CCDC91: variants seen among roughly 807,000 people sequenced by gnomAD.
CCDC91 encodes the protein coiled-coil domain containing 91.
Under a neutral mutation model 63.2 loss-of-function variants are expected in CCDC91, and 48 were observed. The observed-to-expected ratio is 0.76, with a 90% CI of 0.60 to 0.97. The LOEUF (loss-of-function observed/expected upper bound fraction) is 0.97. Ranked by LOEUF, CCDC91 falls within the 50% of genes least tolerant of loss-of-function variation. The pLI is 0.00. For missense variants in CCDC91, 500 were observed against 494.6 expected (o/e 1.01, Z -0.10); for synonymous variants, 167 against 165.8 (o/e 1.01, Z -0.06).
intron 3 of CCDC91, among the ~76,000 whole-genome samples, chr12:28,275,524 C>G (rs1203925366): frequency 6.6e-6 from 1 of 152,092 alleles, no homozygotes; most frequent in East Asian, 1.9e-4. Context: ...GGATTCATAG[C>G]CGAATTCTAC....
chr12:28,544,266 A>AC (rs972529178), intron 12 of CCDC91, among the ~76,000 whole-genome samples: 1 of 151,156 alleles, frequency 6.6e-6, no homozygotes, highest in Non-Finnish European at 1.5e-5. Flanking sequence ...CCAAGTCTGC[A>AC]CCCCCCTTTT....
At chr12:28,486,808 G>A (rs1347506759) in intron 12 of CCDC91, among the ~76,000 whole-genome samples, 1 of 151,938 alleles carries the variant, frequency 6.6e-6, no homozygotes, top group East Asian at 1.9e-4. Context: ...TAAAATAACA[G>A]CCAAGAAACC....
chr12:28,206,872 G>A (rs1591984117), intron 1 of CCDC91, among the ~76,000 whole-genome samples: 2 of 152,312 alleles, frequency 1.3e-5, no homozygotes, highest in African/African-American at 2.4e-5. Flanking sequence ...CGTGGAAAAA[G>A]GACCTAACAA....
At chr12:28,247,253 G>A (rs1339713564) in intron 1 of CCDC91, among the ~76,000 whole-genome samples, 3 of 152,258 alleles carry the variant, frequency 2.0e-5, no homozygotes, top group South Asian at 2.1e-4. Context: ...GGCCGAGGCC[G>A]GTGGATCATG....
intron 6 of CCDC91, among the ~76,000 whole-genome samples, chr12:28,347,551 C>G (rs973091164): frequency 6.6e-5 from 10 of 152,130 alleles, no homozygotes; most frequent in African/African-American, 2.4e-4. Flanking sequence ...TACTAGTGAG[C>G]TATTTTTACC....
chr12:28,362,407 A>G, intron 6 of CCDC91, 31 bp from the exon 7 acceptor site: 1 of 1,461,436 alleles, frequency 6.8e-7, no homozygotes, highest in Non-Finnish European at 9.3e-7. Context: ...CAGAAGAAAA[A>G]CTCATGGTTT....
At chr12:28,418,787 T>C (rs1947832485) in intron 8 of CCDC91, among the ~76,000 whole-genome samples, 1 of 152,174 alleles carries the variant, frequency 6.6e-6, no homozygotes, top group African/African-American at 2.4e-5. Flanking sequence ...GTTGTTATTA[T>C]ATGCAGCCAC....
intron 8 of CCDC91, among the ~76,000 whole-genome samples, chr12:28,433,523 A>G (rs1176072735): frequency 6.6e-6 from 1 of 151,896 alleles, no homozygotes; most frequent in Admixed American, 6.6e-5. Flanking sequence ...TCAGTTGACT[A>G]TATGCAGTTC....
At chr12:28,214,248 CTGAT>C (rs1943418914) in intron 1 of CCDC91, among the ~76,000 whole-genome samples, 1 of 152,088 alleles carries the variant, frequency 6.6e-6, no homozygotes, top group African/African-American at 2.4e-5. Flanking sequence ...GCTGGCTTGA[CTGAT>C]TGATCTTAAC....
intron 12 of CCDC91, among the ~76,000 whole-genome samples, chr12:28,507,773 G>C (rs967545536): frequency 2.0e-5 from 3 of 151,906 alleles, no homozygotes; most frequent in Admixed American, 1.3e-4. Context: ...TTCAAAAAGG[G>C]CTCTGTGATA....
intron 11 of CCDC91, among the ~76,000 whole-genome samples, chr12:28,459,510 T>C (rs573131642): frequency 2.0e-5 from 3 of 152,264 alleles, no homozygotes; most frequent in African/African-American, 7.2e-5. Flanking sequence ...TTTACCAAGA[T>C]TAGAGTTATT....
At chr12:28,327,499 C>G (rs538757617) in intron 6 of CCDC91, among the ~76,000 whole-genome samples, 1 of 152,194 alleles carries the variant, frequency 6.6e-6, no homozygotes, top group African/African-American at 2.4e-5. Flanking sequence ...AAATGTCACA[C>G]CTGGTCCAAC....
intron 11 of CCDC91, among the ~76,000 whole-genome samples, chr12:28,473,044 A>G (rs747065184): frequency 3.9e-5 from 6 of 152,212 alleles, no homozygotes; most frequent in Admixed American, 6.5e-5. Context: ...ACCCCATAGT[A>G]TAAGTCTTGC....
intron 6 of CCDC91, among the ~76,000 whole-genome samples, chr12:28,335,198 AATAT>A (rs904290304): frequency 2.2e-5 from 3 of 138,276 alleles, no homozygotes; most frequent in African/African-American, 7.9e-5. Context: ...TATATTTATA[AATAT>A]ATATTCATAT....
intron 3 of CCDC91, among the ~76,000 whole-genome samples, chr12:28,290,638 C>A (rs1202104453): frequency 2.0e-5 from 3 of 152,220 alleles, no homozygotes; most frequent in African/African-American, 7.2e-5. Context: ...TTTGTAGTGG[C>A]TGGTCCAAAT....
chr12:28,441,085 G>GAAAAGA (rs60726909), intron 8 of CCDC91, among the ~76,000 whole-genome samples: 34,616 of 55,730 alleles, frequency 0.62, 8,775 homozygotes, highest in Middle Eastern at 0.69. Context: ...AAAAAAAAAA[G>GAAAAGA]AAAAGAAAAA....
At chr12:28,361,530 A>G (rs1001827468) in intron 6 of CCDC91, among the ~76,000 whole-genome samples, 8 of 152,176 alleles carry the variant, frequency 5.3e-5, no homozygotes, top group South Asian at 2.1e-4. Flanking sequence ...AAAGATTTTT[A>G]AAAATATTTT....
chr12:28,304,673 G>A (rs11610952), intron 3 of CCDC91: 1 of 1,277,338 alleles, frequency 7.8e-7, no homozygotes, highest in Non-Finnish European at 1.0e-6. Flanking sequence ...GTTTATGGTA[G>A]AACTTCACTG....
chr12:28,239,672 G>C (rs1945202671), intron 1 of CCDC91, among the ~76,000 whole-genome samples: 1 of 152,048 alleles, frequency 6.6e-6, no homozygotes, highest in Non-Finnish European at 1.5e-5. Flanking sequence ...TTTACATCCA[G>C]AAAAATTGTT....
Sources: gnomAD v4.1 joint callset for allele counts (sites outside exome capture counted in the v4.1 genomes callset) on GRCh38, gnomAD v4.1.1 for gene constraint, MANE v1.5 for transcripts, NCBI Gene and HGNC (gene_info 2026-07-23, HGNC 2026-07-21) for gene names.